Variants in TBC1D5 observed in about 807,000 individuals in gnomAD.
The protein encoded by TBC1D5 is TBC1 domain family member 5.
A neutral mutation model predicts 100.3 loss-of-function variants in TBC1D5; 75 were observed. The observed-to-expected ratio is 0.75, with a 90% confidence interval of 0.62 to 0.91. The LOEUF is 0.91. Ranked by LOEUF, TBC1D5 falls within the 40% of genes least tolerant of loss-of-function variation. The pLI is 0.00. For synonymous variants in TBC1D5, 323 were observed against 325.6 expected, an observed-to-expected ratio of 0.99 and a Z score of 0.09; for missense variants, 910 against 942.4, an observed-to-expected ratio of 0.97 and a Z score of 0.45.
At chr3:17,204,939 C>A (rs2071955472) in intron 18 of TBC1D5, among the ~76,000 whole-genome samples, 1 of 152,162 alleles carries the variant, frequency 6.6e-6, no homozygotes, top group African/African-American at 2.4e-5. Flanking sequence ...AAAGAACTCT[C>A]TCACAAAGAT....
At chr3:17,528,470 G>C (rs2096170916) in intron 2 of TBC1D5, among the ~76,000 whole-genome samples, 1 of 152,104 alleles carries the variant, frequency 6.6e-6, no homozygotes, top group Non-Finnish European at 1.5e-5. Flanking sequence ...CTCTCATCTT[G>C]ATCTTGCACT....
At chr3:17,587,906 T>A (rs943680530) in intron 2 of TBC1D5, among the ~76,000 whole-genome samples, 1 of 152,028 alleles carries the variant, frequency 6.6e-6, no homozygotes, top group Non-Finnish European at 1.5e-5. Flanking sequence ...CTGTTTAGAA[T>A]AAAAGATATT....
At chr3:17,214,073 T>C (rs934831080) in intron 18 of TBC1D5, 134 bp downstream of exon 19, 2 of 848,620 alleles carry the variant, frequency 2.4e-6, no homozygotes, top group Non-Finnish European at 1.7e-6. Context: ...AAAATACTTT[T>C]GATAAAATAA....
At chr3:17,168,118 A>C (rs2066824553) in intron 19 of TBC1D5, among the ~76,000 whole-genome samples, 1 of 152,182 alleles carries the variant, frequency 6.6e-6, no homozygotes, top group Admixed American at 6.5e-5. Flanking sequence ...TGCTGACATG[A>C]TGTGGCTGAC....
chr3:17,467,277 C>A (rs905903272), intron 3 of TBC1D5, among the ~76,000 whole-genome samples: 75 of 133,036 alleles, frequency 5.6e-4, no homozygotes, highest in African/African-American at 2.0e-3. Flanking sequence ...CCAGCTTCTG[C>A]CAGACCTTCT....
intron 19 of TBC1D5, among the ~76,000 whole-genome samples, chr3:17,175,462 A>G (rs2067616738): frequency 6.6e-6 from 1 of 152,234 alleles, no homozygotes; most frequent in Non-Finnish European, 1.5e-5. Context: ...ATCTGTCATA[A>G]TCATGATATG....
intron 3 of TBC1D5, among the ~76,000 whole-genome samples, chr3:17,442,635 CA>C (rs2094691279): frequency 6.6e-6 from 1 of 152,140 alleles, no homozygotes. Context: ...AAAATATACC[CA>C]AAGGAGCACA....
At chr3:17,671,156 A>C (rs1343253933) in intron 1 of TBC1D5, among the ~76,000 whole-genome samples, 1 of 152,246 alleles carries the variant, frequency 6.6e-6, no homozygotes, top group Non-Finnish European at 1.5e-5. Flanking sequence ...ACACACAATA[A>C]GAATATTTTT....
intron 12 of TBC1D5, among the ~76,000 whole-genome samples, chr3:17,372,558 TA>T (rs1399729204): frequency 6.6e-6 from 1 of 152,214 alleles, no homozygotes; most frequent in Non-Finnish European, 1.5e-5. Context: ...GCCACTTTTA[TA>T]AAGCTGACTC....
chr3:17,238,458 G>C (rs1390468699), intron 16 of TBC1D5, 39 bp from the exon 17 acceptor site: 1 of 1,580,456 alleles, frequency 6.3e-7, no homozygotes, highest in Non-Finnish European at 8.6e-7. Flanking sequence ...ATTTACATTA[G>C]AGGATGATTC....
chr3:17,587,482 C>T (rs936897983), intron 2 of TBC1D5, among the ~76,000 whole-genome samples: 3 of 151,962 alleles, frequency 2.0e-5, no homozygotes, highest in Admixed American at 1.3e-4. Context: ...TAAATTATTT[C>T]AAACACATTT....
At chr3:17,377,070 G>C (rs920938008) in intron 9 of TBC1D5, among the ~76,000 whole-genome samples, 2 of 152,106 alleles carry the variant, frequency 1.3e-5, no homozygotes, top group African/African-American at 4.8e-5. Context: ...GATGTCTGTA[G>C]ATTTAGGAAG....
intron 3 of TBC1D5, among the ~76,000 whole-genome samples, chr3:17,453,350 A>G (rs1225661369): frequency 1.3e-5 from 2 of 152,008 alleles, no homozygotes; most frequent in Non-Finnish European, 2.9e-5. Context: ...TAAACAAAAC[A>G]ATAAAAAAAA....
At chr3:17,633,573 A>G (rs1389518073) in intron 1 of TBC1D5, among the ~76,000 whole-genome samples, 1 of 152,230 alleles carries the variant, frequency 6.6e-6, no homozygotes, top group Non-Finnish European at 1.5e-5. Flanking sequence ...AATCATTGAG[A>G]GAACAGAGCT....
intron 2 of TBC1D5, among the ~76,000 whole-genome samples, chr3:17,555,253 A>G (rs552063403): frequency 6.6e-6 from 1 of 152,314 alleles, no homozygotes; most frequent in South Asian, 2.1e-4. Flanking sequence ...TTATTTTGCC[A>G]AAGTTAAGGA....
At chr3:17,352,168 T>C (rs2090684043) in intron 13 of TBC1D5, among the ~76,000 whole-genome samples, 1 of 152,162 alleles carries the variant, frequency 6.6e-6, no homozygotes, top group African/African-American at 2.4e-5. Context: ...TTATGCACTT[T>C]GTATAAATAT....
At position 17,531,030 on chromosome 3, in the gene TBC1D5, C is replaced by G. The variant is rs530740232; in HGVS notation, c.-35-22425G>C. On this transcript the variant is annotated intron_variant, in intron 2 of 21. Coordinates refer to ENST00000253692, the Ensembl canonical transcript of TBC1D5. ...AATAAAGGGCATTCAATTAGGAAAA[C>G]AGGAAGTCAAATTGTCCCTGTTTGC... is the stretch of plus-strand genomic sequence containing the variant. 6.8e-4 allele frequency among the ~76,000 whole-genome samples: 104 copies of G among 152,232 alleles called. 2 individuals are homozygous for G. The highest frequency in any genetic ancestry group is 3.2e-3 in the Admixed American group (49 of 15,282).
intron 1 of TBC1D5, among the ~76,000 whole-genome samples, chr3:17,683,030 C>A (rs1004741186): frequency 1.3e-5 from 2 of 151,474 alleles, no homozygotes; most frequent in African/African-American, 4.9e-5. Flanking sequence ...TCCTCTTAGT[C>A]TCATACTAAT....
chr3:17,500,624 G>A (rs1196796311), intron 3 of TBC1D5, among the ~76,000 whole-genome samples: 1 of 149,386 alleles, frequency 6.7e-6, no homozygotes, highest in Non-Finnish European at 1.5e-5. Flanking sequence ...CCTACACAAT[G>A]CTTGAAAAAC....
Sources: allele counts gnomAD v4.1 joint callset (sites outside exome capture counted in the v4.1 genomes callset), GRCh38; gene constraint gnomAD v4.1.1; transcripts MANE v1.5; gene names NCBI Gene and HGNC (gene_info 2026-07-23, HGNC 2026-07-21).